CRYBG1: variants seen among roughly 807,000 people sequenced by gnomAD.
CRYBG1 encodes the protein beta/gamma crystallin domain-containing protein 1.
CRYBG1 carries 139 observed loss-of-function variants against 189.2 expected under a neutral mutation model. The ratio of observed to expected loss-of-function variants is 0.73; its 90% CI spans 0.64 to 0.85. CRYBG1 has a LOEUF of 0.85. Ranked by LOEUF, CRYBG1 falls within the 40% of genes least tolerant of loss-of-function variation. CRYBG1 has a pLI of 0.00. For missense variants in CRYBG1, 2,611 were observed against 2,675.8 expected, an observed-to-expected ratio of 0.98 and a Z score of 0.53; for synonymous variants, 1,023 against 1,017.1, an observed-to-expected ratio of 1.01 and a Z score of -0.11.
intron 1 of CRYBG1, among the ~76,000 whole-genome samples, chr6:106,371,962 G>A (rs1223481803): frequency 1.3e-5 from 2 of 152,152 alleles, no homozygotes; most frequent in Non-Finnish European, 2.9e-5. Context: ...AGTCACAATA[G>A]CTGATAACTG....
chr6:106,477,852 T>C (rs1772362864), intron 2 of CRYBG1, among the ~76,000 whole-genome samples: 1 of 152,270 alleles, frequency 6.6e-6, no homozygotes, highest in East Asian at 1.9e-4. Context: ...GAAGGTTTTC[T>C]TCCTGTGTAA....
intron 2 of CRYBG1, among the ~76,000 whole-genome samples, chr6:106,470,554 A>G (rs1230323847): frequency 6.6e-6 from 1 of 152,162 alleles, no homozygotes; most frequent in African/African-American, 2.4e-5. Flanking sequence ...CCTGGGTGAC[A>G]GAGCAAGGCT....
intron 1 of CRYBG1, among the ~76,000 whole-genome samples, chr6:106,377,630 T>C (rs1338524651): frequency 7.7e-6 from 1 of 129,838 alleles, no homozygotes; most frequent in Non-Finnish European, 1.5e-5. Context: ...TTTATATATA[T>C]ATATATATAT....
At chr6:106,371,647 T>G (rs886560891) in intron 1 of CRYBG1, among the ~76,000 whole-genome samples, 114 of 152,218 alleles carry the variant, frequency 7.5e-4, no homozygotes, top group African/African-American at 2.7e-3. Flanking sequence ...ATACGTAGGG[T>G]TTGAAACAAG....
chr6:106,439,593 C>T (rs1771531526), intron 1 of CRYBG1, among the ~76,000 whole-genome samples: 1 of 152,104 alleles, frequency 6.6e-6, no homozygotes, highest in Admixed American at 6.5e-5. Context: ...GATGAGATAA[C>T]ACTCCCTAAT....
At chr6:106,513,515 C>T (rs1411868884) in intron 3 of CRYBG1, among the ~76,000 whole-genome samples, 1 of 152,226 alleles carries the variant, frequency 6.6e-6, no homozygotes, top group African/African-American at 2.4e-5. Flanking sequence ...TTTTATGGCA[C>T]TCAGTGCATT....
At chr6:106,489,500 C>T (rs1772666812) in intron 2 of CRYBG1, among the ~76,000 whole-genome samples, 1 of 151,780 alleles carries the variant, frequency 6.6e-6, no homozygotes, top group Non-Finnish European at 1.5e-5. Flanking sequence ...ATATAATTCC[C>T]TTGTCATTTT....
In CRYBG1 at chr6:106,568,534, C is replaced by G; in HGVS notation, c.6364C>G (p.Gln2122Glu). The change falls in exon 22 of 22, where the codon CAA becomes GAA. Residue 2122 changes from glutamine (Q) to glutamate (E), a missense_variant. By Grantham distance (29) the Gln-to-Glu change is conservative. Around this residue, in one of 3 missense-constraint regions of CRYBG1, gnomAD observed 1,622 missense variants for 1,735.0 expected, o/e 0.93. Coordinates refer to ENST00000633556, the MANE Select transcript of CRYBG1 (RefSeq NM_001371242.2). ...LNTVSKEKFT[Q>E]VWEAMVLYT is the part of the protein sequence containing the mutation. ...CACTGTCAGCAAAGAGAAGTTTACA[C>G]AAGTGTGGGAAGCCATGGTCCTATA... The G allele has an allele frequency of 3.7e-6, 6 of 1,613,726 alleles. No homozygotes were observed. Among genetic ancestry groups the G allele is most frequent in the Non-Finnish European group, 5.1e-6 (6 of 1,179,616 alleles).
chr6:106,407,399 AC>A (rs138908656), intron 1 of CRYBG1, among the ~76,000 whole-genome samples: 78,749 of 151,914 alleles, frequency 0.52, 20,738 homozygotes, highest in South Asian at 0.72. Context: ...GTTCTTAGAC[AC>A]CTACAAAGAG....
intron 1 of CRYBG1, among the ~76,000 whole-genome samples, chr6:106,401,097 A>T (rs945307768): frequency 6.6e-6 from 1 of 152,158 alleles, no homozygotes; most frequent in African/African-American, 2.4e-5. Context: ...GTCATAATTG[A>T]ATTTTCACAT....
intron 8 of CRYBG1, among the ~76,000 whole-genome samples, chr6:106,533,854 G>T (rs13197786): frequency 1.5e-4 from 23 of 151,936 alleles, no homozygotes; most frequent in Non-Finnish European, 2.8e-4. Context: ...TGGAGTTCAG[G>T]GGAGAGGCTG....
intron 8 of CRYBG1, among the ~76,000 whole-genome samples, chr6:106,539,193 G>A (rs1192157321): frequency 6.6e-6 from 1 of 152,176 alleles, no homozygotes; most frequent in Non-Finnish European, 1.5e-5. Flanking sequence ...GCCAGCCAAG[G>A]AGAAAAGTAA....
At chr6:106,516,615 T>C (rs1267472820) in intron 3 of CRYBG1, among the ~76,000 whole-genome samples, 3 of 152,240 alleles carry the variant, frequency 2.0e-5, no homozygotes, top group Non-Finnish European at 2.9e-5. Flanking sequence ...GTTCTCATTA[T>C]CAAAGTGGCC....
chr6:106,535,355 GGAA>G (rs1773979151), intron 8 of CRYBG1, among the ~76,000 whole-genome samples: 1 of 152,152 alleles, frequency 6.6e-6, no homozygotes, highest in African/African-American at 2.4e-5. Context: ...CAGAAAAGTA[GGAA>G]GAATAGTTCA....
At chr6:106,499,413 G>A (rs1291552284) in intron 2 of CRYBG1, among the ~76,000 whole-genome samples, 2 of 150,332 alleles carry the variant, frequency 1.3e-5, no homozygotes, top group Non-Finnish European at 3.0e-5. Context: ...ACCTGCCTCA[G>A]CCTCCCAAAG....
At chr6:106,526,941 C>CA (rs35768853) in intron 6 of CRYBG1, among the ~76,000 whole-genome samples, 20,600 of 88,142 alleles carry the variant, frequency 0.23, 2,201 homozygotes, top group Non-Finnish European at 0.27. Flanking sequence ...ACTCTGTATC[C>CA]AAAAAAAAAA....
chr6:106,384,712 A>G (rs1338525938), intron 1 of CRYBG1, among the ~76,000 whole-genome samples: 1 of 152,076 alleles, frequency 6.6e-6, no homozygotes, highest in Non-Finnish European at 1.5e-5. Flanking sequence ...AAGTTTTCTC[A>G]TACTTTTAAG....
At position 106,542,167 on chromosome 6, in the gene CRYBG1, A is replaced by C; in HGVS notation, c.4881+546A>C. ...ATATTTATTTTATATATATATGTAT[A>C]TAAATTATTTTAAAACTGTTTGGAA... On this transcript the variant is annotated intron_variant, in intron 10 of 21. Transcript: ENST00000633556. Among the ~76,000 whole-genome samples, 3 of 149,274 alleles carry C rather than the reference A, an allele frequency of 2.0e-5. No homozygotes were observed. In the Middle Eastern group the frequency reaches 0.011, roughly 526 times the overall value.
At chr6:106,560,387 A>G (rs1191955774) in intron 18 of CRYBG1, among the ~76,000 whole-genome samples, 37 of 152,208 alleles carry the variant, frequency 2.4e-4, no homozygotes, top group Non-Finnish European at 2.9e-5. Context: ...TTTAACAAAG[A>G]TTACTCTCAC....
Sources: gnomAD v4.1 joint callset for allele counts (sites outside exome capture counted in the v4.1 genomes callset) on GRCh38, gnomAD v4.1.1 for gene constraint, gnomAD v4.1.1 regional missense constraint, MANE v1.5 for transcripts, NCBI Gene and HGNC (gene_info 2026-07-23, HGNC 2026-07-21) for gene names.